DSCAM: variants seen among roughly 807,000 people sequenced by gnomAD.
DSCAM encodes DS cell adhesion molecule, also known as cell adhesion molecule DSCAM.
In DSCAM, 47 loss-of-function variants were observed where a neutral mutation model predicts 217.7. The ratio of observed to expected loss-of-function variants is 0.22; its 90% CI spans 0.17 to 0.28. The LOEUF (loss-of-function observed/expected upper bound fraction) is 0.28. DSCAM is among the 10% of genes least tolerant of loss of function. DSCAM has a pLI of 1.00. For synonymous variants in DSCAM, 1,056 were observed against 1,015.3 expected (o/e 1.04, Z -0.76); for missense variants, 2,080 against 2,618.3 (o/e 0.79, Z 4.49).
chr21:40,832,313 C>T (rs990865866), intron 1 of DSCAM, among the ~76,000 whole-genome samples: 1 of 152,202 alleles, frequency 6.6e-6, no homozygotes, highest in African/African-American at 2.4e-5. Context: ...GAGTGCGAAT[C>T]AAATGGTCAC....
intron 11 of DSCAM, among the ~76,000 whole-genome samples, chr21:40,220,725 G>C (rs2146902715): frequency 6.6e-6 from 1 of 152,296 alleles, no homozygotes; most frequent in East Asian, 1.9e-4. Context: ...TGTGACTGAA[G>C]AAACAGATGC....
At chr21:40,623,392 A>G (rs1238726216) in intron 3 of DSCAM, among the ~76,000 whole-genome samples, 1 of 152,244 alleles carries the variant, frequency 6.6e-6, no homozygotes, top group African/African-American at 2.4e-5. Flanking sequence ...GTGTATATGT[A>G]CAAATGATCC....
chr21:40,249,851 G>T (rs1449800852), intron 11 of DSCAM, among the ~76,000 whole-genome samples: 1 of 152,180 alleles, frequency 6.6e-6, no homozygotes, highest in Non-Finnish European at 1.5e-5. Context: ...GGATGAAGGA[G>T]TTAGGTGTGT....
intron 10 of DSCAM, among the ~76,000 whole-genome samples, chr21:40,295,431 A>C (rs757442048): frequency 1.3e-5 from 2 of 152,144 alleles, no homozygotes; most frequent in East Asian, 3.9e-4. Flanking sequence ...TAATATCTAC[A>C]ATGTCACCTA....
chr21:40,772,889 C>A (rs529879912), intron 1 of DSCAM, among the ~76,000 whole-genome samples: 3 of 152,218 alleles, frequency 2.0e-5, no homozygotes, highest in African/African-American at 4.8e-5. Context: ...GGTGGTGGAC[C>A]CTGTCCCGGA....
rs1268351071 is a variant in DSCAM at position 40,338,201 on chromosome 21, A to G, written c.1683T>C (p.Leu561=). Residue 561 remains leucine (L), a synonymous_variant, in exon 8 of 33, where the codon CTT becomes CTC. Transcript: ENST00000400454. ...CGTCCACTTCCTTTTGCACATCTGAAAGTTTAAGAGTTCCATTGTTCTCAA... is the reference window on the plus strand; with the variant it reads ...CGTCCACTTCCTTTTGCACATCTGAGAGTTTAAGAGTTCCATTGTTCTCAA... ...VAFENNGTLK[L]SDVQKEVDEG... 4 of 1,614,246 alleles carry G rather than the reference A, an allele frequency of 2.5e-6. No individual in the cohort carries two copies. In the Admixed American group the frequency reaches 6.7e-5, roughly 27 times the overall value.
intron 9 of DSCAM, among the ~76,000 whole-genome samples, chr21:40,311,372 T>C (rs755725764): frequency 6.6e-6 from 1 of 152,236 alleles, no homozygotes; most frequent in African/African-American, 2.4e-5. Flanking sequence ...GCTTATTTCA[T>C]AGATGAAGAG....
At chr21:40,352,367 G>A (rs1276662019) in intron 5 of DSCAM, among the ~76,000 whole-genome samples, 1 of 152,204 alleles carries the variant, frequency 6.6e-6, no homozygotes, top group Non-Finnish European at 1.5e-5. Context: ...AGCTATAGAA[G>A]TGTGACTGTG....
intron 1 of DSCAM, among the ~76,000 whole-genome samples, chr21:40,794,886 T>C (rs1472966974): frequency 2.2e-5 from 2 of 93,014 alleles, no homozygotes; most frequent in Admixed American, 1.2e-4. Context: ...CTTAGTCAAA[T>C]TGAAAAAAAA....
At chr21:40,629,377 G>T (rs1391658723) in intron 3 of DSCAM, among the ~76,000 whole-genome samples, 1 of 152,190 alleles carries the variant, frequency 6.6e-6, no homozygotes, top group African/African-American at 2.4e-5. Context: ...TTGTGCATTT[G>T]TATGTATAGC....
At chr21:40,402,315 C>G (rs1051043588) in intron 3 of DSCAM, among the ~76,000 whole-genome samples, 2 of 137,678 alleles carry the variant, frequency 1.5e-5, no homozygotes, top group Admixed American at 1.9e-4. Flanking sequence ...GTGATCTGCC[C>G]GTCTCAGCCT....
chr21:40,334,192 A>G (rs1229819342), intron 8 of DSCAM, among the ~76,000 whole-genome samples: 2 of 152,032 alleles, frequency 1.3e-5, no homozygotes, highest in Non-Finnish European at 2.9e-5. Flanking sequence ...CTATTCACTG[A>G]TGTCACCAGA....
intron 3 of DSCAM, among the ~76,000 whole-genome samples, chr21:40,380,218 G>T (rs965627122): frequency 5.3e-5 from 8 of 152,146 alleles, no homozygotes; most frequent in South Asian, 4.1e-4. Flanking sequence ...TTAATGATCA[G>T]ATCTTTGTGC....
At chr21:40,303,488 C>T (rs568372433) in intron 9 of DSCAM, among the ~76,000 whole-genome samples, 1 of 152,270 alleles carries the variant, frequency 6.6e-6, no homozygotes, top group Admixed American at 6.5e-5. Context: ...CCATCTTTCT[C>T]AATCCACGTA....
intron 3 of DSCAM, among the ~76,000 whole-genome samples, chr21:40,405,138 T>TAAA (rs2075269468): frequency 6.6e-6 from 1 of 152,104 alleles, no homozygotes; most frequent in Non-Finnish European, 1.5e-5. Context: ...TCTAGTGGCG[T>TAAA]ATATTGTCTA....
chr21:40,597,597 C>G (rs1282077386), intron 3 of DSCAM, among the ~76,000 whole-genome samples: 1 of 150,088 alleles, frequency 6.7e-6, no homozygotes, highest in African/African-American at 2.5e-5. Flanking sequence ...GCCTCCACCT[C>G]CTGGGTTCTA....
At chr21:40,457,995 A>C (rs1170763040) in intron 3 of DSCAM, among the ~76,000 whole-genome samples, 3 of 152,190 alleles carry the variant, frequency 2.0e-5, no homozygotes, top group Non-Finnish European at 4.4e-5. Flanking sequence ...ATATGTGCAC[A>C]CGATGAAAAT....
chr21:40,707,851 G>A (rs1252809081), intron 2 of DSCAM, among the ~76,000 whole-genome samples: 1 of 152,146 alleles, frequency 6.6e-6, no homozygotes, highest in Admixed American at 6.5e-5. Flanking sequence ...GGGTTGACTT[G>A]TAGCAATGGT....
At chr21:40,242,013 G>A (rs375719719) in intron 11 of DSCAM, among the ~76,000 whole-genome samples, 138 of 152,192 alleles carry the variant, frequency 9.1e-4, no homozygotes, top group African/African-American at 3.2e-3. Flanking sequence ...GAGGGTGGGA[G>A]GAGGGAAAGG....
Sources: allele counts gnomAD v4.1 joint callset (sites outside exome capture counted in the v4.1 genomes callset), GRCh38; gene constraint gnomAD v4.1.1; transcripts MANE v1.5; gene names NCBI Gene and HGNC (gene_info 2026-07-23, HGNC 2026-07-21).